QSOX2: variants seen among roughly 807,000 people sequenced by gnomAD.
The protein encoded by QSOX2 is sulfhydryl oxidase 2.
In QSOX2, 46 loss-of-function variants were observed where a neutral mutation model predicts 61.7. That is an observed-to-expected ratio of 0.75 (90% CI 0.59 to 0.95). QSOX2 has a LOEUF of 0.95. Among genes scored for constraint, QSOX2 ranks in the 40% least tolerant of loss-of-function variants. The pLI is 0.00. For synonymous variants in QSOX2, 383 were observed against 388.4 expected, an observed-to-expected ratio of 0.99 and a Z score of 0.16; for missense variants, 879 against 918.9, an observed-to-expected ratio of 0.96 and a Z score of 0.56.
intron 1 of QSOX2, among the ~76,000 whole-genome samples, chr9:136,243,998 G>T (rs150532325): frequency 6.6e-6 from 1 of 152,108 alleles, no homozygotes; most frequent in African/African-American, 2.4e-5. Flanking sequence ...GTGCTGCTTC[G>T]GTTACAGAAT....
intron 3 of QSOX2, 82 bp downstream of exon 3, chr9:136,224,779 T>C: frequency 2.2e-6 from 2 of 901,332 alleles, no homozygotes; most frequent in Admixed American, 2.6e-5. Context: ...GGCTGGGAGC[T>C]CCCCAGGCTC....
At position 136,222,610 on chromosome 9, in the gene QSOX2, G is replaced by A. The variant is rs1321036054; in HGVS notation, c.676-669C>T. Among the ~76,000 whole-genome samples, 1 of 152,176 alleles carries A rather than the reference G, an allele frequency of 6.6e-6. No homozygotes were observed. The highest frequency in any genetic ancestry group is 1.9e-4 in the East Asian group (1 of 5,186). On this transcript the variant is annotated intron_variant, in intron 5 of 11. Transcript: ENST00000358701. The surrounding 1 kb of genome is among the most constrained non-coding windows in gnomAD (Gnocchi z 6.9). ...CCTCTCCTGAGCTGGGTGTGTCTGCGAAGAGCTGATCGCTACTCTGGGGCC... is the reference window on the plus strand; with the variant it reads ...CCTCTCCTGAGCTGGGTGTGTCTGCAAAGAGCTGATCGCTACTCTGGGGCC...
chr9:136,225,034 A>T, intron 2 of QSOX2, 125 bp from the exon 3 acceptor site: 1 of 616,778 alleles, frequency 1.6e-6, no homozygotes, highest in Non-Finnish European at 2.8e-6. Flanking sequence ...AGTTTTCATA[A>T]ATTAATGACA....
At chr9:136,242,024 A>G (rs1159207292) in intron 1 of QSOX2, among the ~76,000 whole-genome samples, 1 of 152,238 alleles carries the variant, frequency 6.6e-6, no homozygotes, top group Non-Finnish European at 1.5e-5. Context: ...CTCATCTTCC[A>G]TCACAAACCC....
chr9:136,211,453 C>T lies in QSOX2; in HGVS notation c.1361-1G>A. On this transcript the variant is annotated splice_acceptor_variant, in intron 10 of 11. Coordinates refer to ENST00000358701, the MANE Select transcript of QSOX2 (RefSeq NM_181701.4). LOFTEE classifies it high-confidence loss of function. ...ACAGCCTGGGGGTCGTCTTCAAAGC[C>T]TGCAGGGGAAGAAACACTGCTGACA... 1 of 1,613,100 alleles carries T rather than the reference C, an allele frequency of 6.2e-7. No homozygotes were observed. Among genetic ancestry groups the T allele is most frequent in the Non-Finnish European group, 8.5e-7 (1 of 1,179,166 alleles).
Position 136,223,694 on chromosome 9 carries a change from T to A in QSOX2, c.675+69A>T, listed in dbSNP as rs921807255. The A allele has an allele frequency of 1.8e-5, 22 of 1,235,774 alleles. No homozygotes were observed. The highest frequency in any genetic ancestry group is 2.2e-5 in the Non-Finnish European group (19 of 851,026). The allele number at this position is 1,235,774 out of a possible 1,614,324, so 76.6% of individuals were successfully genotyped here. A position where few individuals can be genotyped will look rare whatever the true frequency, so the allele number is the denominator to read the frequency against. On this transcript the variant is annotated intron_variant, in intron 5 of 11. Transcript: ENST00000358701. This position sits in a 1 kb window ranked among gnomAD's most constrained non-coding sequence, Gnocchi z 4.4. ...ACACAGTGACCGGCACCTGCAAATC[T>A]CATCACAGATCCACCGCCAACCCCA...
rs56231911 is a variant in QSOX2 at position 136,209,043 on chromosome 9, G to A, written c.1782C>T (p.Leu594=). 2,344 of 1,614,118 alleles carry A rather than the reference G, an allele frequency of 1.5e-3. 14 individuals carry two copies. The highest frequency in any genetic ancestry group is 8.4e-3 in the East Asian group (376 of 44,876). Residue 594 remains leucine, a synonymous_variant, in exon 12 of 12, where the codon CTC becomes CTT. Transcript: ENST00000358701. The surrounding 1 kb of genome is among the most constrained non-coding windows in gnomAD (Gnocchi z 5.6). ...CTCCATGGGACACCTCTGGGGGAGT[G>A]AGTCTTTTCTCCTCTTCCTCACCCC... ...LARGEEEEKR[L]TPPEVSHGDR...
In QSOX2 at chr9:136,211,273, G is replaced by A. The variant is rs148017914; in HGVS notation, c.1540C>T (p.Arg514Cys). 2.7e-4 allele frequency: 440 copies of A among 1,613,650 alleles called. No individual in the cohort carries two copies. The highest frequency in any genetic ancestry group is 3.4e-4 in the Non-Finnish European group (403 of 1,179,692). Residue 514 changes from arginine (R) to cysteine (C), a missense_variant, in exon 11 of 12, where the codon CGC (arginine) becomes TGC (cysteine). Arg to Cys is a radical substitution (Grantham distance 180, BLOSUM62 -3). Coordinates refer to ENST00000358701, the MANE Select transcript of QSOX2 (RefSeq NM_181701.4). ...CCCAGGGGCTTCTCACCTGCCAGGC[G>A]GCCGTTCACCATATTATGCTTCTTC... is the stretch of plus-strand genomic sequence containing the variant. The part of the protein sequence containing the change: ...LWKKHNMVNG[R>C]LAGHLSEDPR...
At position 136,220,727 on chromosome 9, in the gene QSOX2, T is replaced by C. The variant is rs1345421711; in HGVS notation, c.821+1069A>G. Reference sequence around the variant, plus strand: ...ATTTTTCATTTTCTTTCTTTTTTTTTTGAGATGGAGTCTGACTCTGTCGCC... The same window carrying C: ...ATTTTTCATTTTCTTTCTTTTTTTTCTGAGATGGAGTCTGACTCTGTCGCC... On this transcript the variant is annotated intron_variant, in intron 6 of 11. Coordinates refer to ENST00000358701, the MANE Select transcript of QSOX2 (RefSeq NM_181701.4). Among the ~76,000 whole-genome samples the C allele has an allele frequency of 2.0e-5, 3 of 152,180 alleles. No individual in the cohort carries two copies. In the East Asian group the frequency reaches 5.8e-4, roughly 29 times the overall value.
chr9:136,230,476 G>T (rs1240741891), intron 1 of QSOX2, among the ~76,000 whole-genome samples: 1 of 152,196 alleles, frequency 6.6e-6, no homozygotes, highest in East Asian at 1.9e-4. Context: ...CCTCACAACT[G>T]CTCTGATTCC....
chr9:136,214,326 C>T (rs1249273696), intron 10 of QSOX2, among the ~76,000 whole-genome samples: 1 of 152,258 alleles, frequency 6.6e-6, no homozygotes, highest in Non-Finnish European at 1.5e-5. Context: ...CCACAGATCA[C>T]ACCACCTATA....
At chr9:136,232,244 G>A (rs78372583) in intron 1 of QSOX2, among the ~76,000 whole-genome samples, 3,346 of 152,260 alleles carry the variant, frequency 0.022, 134 homozygotes, top group African/African-American at 0.076. Flanking sequence ...TGCAGTGAGC[G>A]CTTTCCGCAC....
Position 136,215,400 on chromosome 9 carries a change from A to G in QSOX2, c.1210-96T>C, listed in dbSNP as rs563844771. On this transcript the variant is annotated intron_variant, in intron 9 of 11. Transcript: ENST00000358701. ...CTGCCTTCTTGACTGGGGGGGGTGGATAATGGGGGTGTGGTTTACTGAAGC... is the reference window on the plus strand; with the variant it reads ...CTGCCTTCTTGACTGGGGGGGGTGGGTAATGGGGGTGTGGTTTACTGAAGC... The G allele has an allele frequency of 1.1e-4, 72 of 648,586 alleles. 2 individuals carry two copies. The South Asian group carries it at 1.3e-3, about 12-fold the overall frequency. The allele number at this position is 648,586 out of a possible 1,614,324, so 40.2% of individuals were successfully genotyped here.
At chr9:136,238,961 CG>C (rs1830413395) in intron 1 of QSOX2, among the ~76,000 whole-genome samples, 1 of 152,128 alleles carries the variant, frequency 6.6e-6, no homozygotes, top group Non-Finnish European at 1.5e-5. Flanking sequence ...AAAGCCAACC[CG>C]GACCACACGA....
chr9:136,240,959 A>G (rs1260149020), intron 1 of QSOX2, among the ~76,000 whole-genome samples: 4 of 152,180 alleles, frequency 2.6e-5, no homozygotes, highest in African/African-American at 7.2e-5. Flanking sequence ...GGGTCACCCC[A>G]TGGCACGACG....
At chr9:136,232,933 A>AG (rs1830344757) in intron 1 of QSOX2, among the ~76,000 whole-genome samples, 2 of 149,196 alleles carry the variant, frequency 1.3e-5, no homozygotes, top group Non-Finnish European at 1.5e-5. Flanking sequence ...AAAAAAAAAA[A>AG]AAAAAGAAAA....
At chr9:136,235,078 C>T (rs1830369181) in intron 1 of QSOX2, among the ~76,000 whole-genome samples, 1 of 152,258 alleles carries the variant, frequency 6.6e-6, no homozygotes, top group Non-Finnish European at 1.5e-5. Flanking sequence ...CCCAGCCAGG[C>T]AGCTTCACAT....
intron 8 of QSOX2, among the ~76,000 whole-genome samples, chr9:136,218,214 G>A (rs963454176): frequency 2.3e-4 from 35 of 152,174 alleles, no homozygotes; most frequent in African/African-American, 8.2e-4. Flanking sequence ...CTGTGCTGGT[G>A]ATGGTGCTGA....
chr9:136,230,725 G>A (rs1279139438), intron 1 of QSOX2, among the ~76,000 whole-genome samples: 1 of 152,222 alleles, frequency 6.6e-6, no homozygotes, highest in African/African-American at 2.4e-5. Flanking sequence ...CAAGACTTAA[G>A]TACATAATTC....
Sources: allele counts gnomAD v4.1 joint callset (sites outside exome capture counted in the v4.1 genomes callset), GRCh38; gene constraint gnomAD v4.1.1; non-coding constraint Gnocchi (gnomAD v3.1); transcripts MANE v1.5; gene names NCBI Gene and HGNC (gene_info 2026-07-23, HGNC 2026-07-21).